DPP4: variants seen among roughly 807,000 people sequenced by gnomAD.
The protein encoded by DPP4 is dipeptidyl peptidase 4.
Under a neutral mutation model 122.4 loss-of-function variants are expected in DPP4, and 93 were observed. That is an observed-to-expected ratio of 0.76 (90% CI 0.64 to 0.90). DPP4 has a LOEUF of 0.90. DPP4 is among the 40% of genes least tolerant of loss of function. DPP4 has a pLI of 0.00. For missense variants in DPP4, 914 were observed against 907.3 expected, an observed-to-expected ratio of 1.01 and a Z score of -0.09; for synonymous variants, 321 against 302.9, an observed-to-expected ratio of 1.06 and a Z score of -0.62.
intron 10 of DPP4, among the ~76,000 whole-genome samples, chr2:162,028,485 T>C (rs1683424537): frequency 6.6e-6 from 1 of 152,210 alleles, no homozygotes; most frequent in Non-Finnish European, 1.5e-5. Context: ...GCATGCTGCT[T>C]TTATTCTGCA....
rs1157621121 is a variant in DPP4 at position 162,017,120 on chromosome 2, C to T, written c.1456G>A (p.Val486Met). The T allele has an allele frequency of 1.1e-5, 18 of 1,611,906 alleles. No individual in the cohort carries two copies. The highest frequency in any genetic ancestry group is 1.1e-4 in the East Asian group (5 of 44,866). The change falls in exon 17 of 26, where the codon GTG (valine) becomes ATG (methionine). Residue 486 changes from valine (V) to methionine (M), a missense_variant. Coordinates refer to ENST00000360534, the MANE Select transcript of DPP4 (RefSeq NM_001935.4). Reference protein sequence around the residue: ...GLPLYTLHSSVNDKGLRVLED... With the variant: ...GLPLYTLHSSMNDKGLRVLED... Reference sequence around the variant, plus strand: ...TATGAGAAAATACCTTTATCATTCACGCTGCTGTGTAGAGTATAGAGGGGC... The same window carrying T: ...TATGAGAAAATACCTTTATCATTCATGCTGCTGTGTAGAGTATAGAGGGGC...
chr2:162,074,014 G>A lies in DPP4; in HGVS notation c.-33C>T, dbSNP rs1202980605. The A allele has an allele frequency of 6.2e-7, 1 of 1,609,312 alleles. No homozygotes were observed. The highest frequency in any genetic ancestry group is 8.5e-7 in the Non-Finnish European group (1 of 1,178,106). ...GTCTCCTCGGAAGTGAGCGTTCAGA[G>A]AAGGAGCGCAGGCAGAAGTCACCGC... On this transcript the variant is annotated 5_prime_UTR_variant, in exon 1 of 26. Coordinates refer to ENST00000360534, the MANE Select transcript of DPP4 (RefSeq NM_001935.4).
At chr2:162,023,673 C>T (rs747270871) in intron 11 of DPP4, among the ~76,000 whole-genome samples, 1 of 152,188 alleles carries the variant, frequency 6.6e-6, no homozygotes, top group Non-Finnish European at 1.5e-5. Flanking sequence ...TTCTTTTGCA[C>T]TCTATTCCCT....
In DPP4 at chr2:162,014,381, C is replaced by T; in HGVS notation, c.1637+15G>A. 1 of 1,596,740 alleles carries T rather than the reference C, an allele frequency of 6.3e-7. No individual in the cohort carries two copies. Among genetic ancestry groups the T allele is most frequent in the South Asian group, 1.1e-5 (1 of 89,424 alleles). Reference sequence around the variant, plus strand: ...CTCAATACTTCTAAATTGCTCCCTTCTCTTGAATACTTACACATCTAATAG... The same window carrying T: ...CTCAATACTTCTAAATTGCTCCCTTTTCTTGAATACTTACACATCTAATAG... On this transcript the variant is annotated intron_variant, in intron 19 of 25. Coordinates refer to ENST00000360534, the MANE Select transcript of DPP4 (RefSeq NM_001935.4).
At chr2:162,033,889 T>TATATATATAC (rs1302435212) in intron 9 of DPP4, among the ~76,000 whole-genome samples, 3 of 142,460 alleles carry the variant, frequency 2.1e-5, no homozygotes, top group African/African-American at 8.1e-5. Context: ...TATATATATA[T>TATATATATAC]ATATACACAC....
At chr2:162,069,052 A>G (rs74867907) in intron 2 of DPP4, among the ~76,000 whole-genome samples, 234 of 152,292 alleles carry the variant, frequency 1.5e-3, no homozygotes, top group African/African-American at 5.3e-3. Flanking sequence ...AAGCCACTCC[A>G]AAATTCCTTA....
At chr2:161,998,220 C>T (rs1252436362) in intron 23 of DPP4, among the ~76,000 whole-genome samples, 1 of 152,142 alleles carries the variant, frequency 6.6e-6, no homozygotes, top group Non-Finnish European at 1.5e-5. Flanking sequence ...ATAAATCTCC[C>T]TAAAAGACAG....
chr2:162,065,729 G>C (rs1237384493), intron 2 of DPP4, among the ~76,000 whole-genome samples: 1 of 152,086 alleles, frequency 6.6e-6, no homozygotes, highest in Non-Finnish European at 1.5e-5. Flanking sequence ...TTTATGCTTG[G>C]TTGTTTATGT....
chr2:162,073,803 C>A (rs1245292477), intron 1 of DPP4, among the ~76,000 whole-genome samples, 173 bp downstream of exon 1: 1 of 152,154 alleles, frequency 6.6e-6, no homozygotes, highest in Non-Finnish European at 1.5e-5. Flanking sequence ...AAGCCAGGGT[C>A]CGAAAGCTAA....
intron 9 of DPP4, among the ~76,000 whole-genome samples, chr2:162,034,715 A>G (rs573344075): frequency 6.6e-6 from 1 of 152,326 alleles, no homozygotes; most frequent in East Asian, 1.9e-4. Context: ...AAAAATTTAC[A>G]TTAGTGCCAA....
chr2:162,019,364 T>A, intron 14 of DPP4, 88 bp from the exon 15 acceptor site: 2 of 939,830 alleles, frequency 2.1e-6, no homozygotes, highest in Non-Finnish European at 3.2e-6. Flanking sequence ...CAAGCCTAAG[T>A]GTGCACGGAG....
At chr2:162,073,942 C>T in intron 1 of DPP4, 34 bp downstream of exon 1, 1 of 1,610,938 alleles carries the variant, frequency 6.2e-7, no homozygotes, top group East Asian at 2.2e-5. Flanking sequence ...GTCCCCACAG[C>T]TCGCCCCGGG....
In DPP4 at chr2:162,005,783, C is replaced by T. The variant is rs1701268514; in HGVS notation, c.2014G>A (p.Gly672Ser). ...AGGTTGTCTTCTGGAGTTGGGAGAC[C>T]CATGTAACGTTCTGTGTACACTGAG... ...YDSVYTERYM[G>S]LPTPEDNLDH... The change falls in exon 23 of 26, where the codon GGT (glycine) becomes AGT (serine). Residue 672 changes from glycine to serine, a missense_variant. Coordinates refer to ENST00000360534, the MANE Select transcript of DPP4 (RefSeq NM_001935.4). 1 of 1,612,368 alleles carries T rather than the reference C, an allele frequency of 6.2e-7. No homozygotes were observed. Among genetic ancestry groups the T allele is most frequent in the African/African-American group, 1.3e-5 (1 of 74,658 alleles).
At chr2:162,019,565 AT>A (rs1429949693) in intron 14 of DPP4, among the ~76,000 whole-genome samples, 1 of 152,078 alleles carries the variant, frequency 6.6e-6, no homozygotes, top group Non-Finnish European at 1.5e-5. Context: ...CAAAAAAAAA[AT>A]AGGACTAGGC....
At chr2:162,071,069 C>G (rs1053320019) in intron 2 of DPP4, among the ~76,000 whole-genome samples, 18 of 152,284 alleles carry the variant, frequency 1.2e-4, no homozygotes, top group Non-Finnish European at 1.6e-4. Flanking sequence ...CTCACTTCCC[C>G]CTCCAGTGTT....
intron 25 of DPP4, among the ~76,000 whole-genome samples, chr2:161,993,847 T>A (rs1188942120): frequency 1.5e-5 from 2 of 133,420 alleles, no homozygotes; most frequent in Non-Finnish European, 3.2e-5. Context: ...ACTAAATGAT[T>A]TTTTTTAAAG....
Position 162,020,306 on chromosome 2 carries a change from T to TG in DPP4, c.1177-11_1177-10insC, listed in dbSNP as rs1248208008. The TG allele has an allele frequency of 3.3e-6, 5 of 1,516,874 alleles. No homozygotes were observed. The highest frequency in any genetic ancestry group is 4.4e-6 in the Non-Finnish European group (5 of 1,145,336). 94.0% of individuals were successfully genotyped at this position (1,516,874 alleles called of 1,614,324 possible). On this transcript the variant is annotated splice_polypyrimidine_tract_variant and intron_variant, in intron 13 of 25. Coordinates refer to ENST00000360534, the MANE Select transcript of DPP4 (RefSeq NM_001935.4). The stretch of plus-strand genomic sequence containing the variant: ...TAATAAATGTGCAGTCCTGATGGTT[T>TG]TTTTTTTTTTTCAAAAAAAAAAAAA...
intron 2 of DPP4, among the ~76,000 whole-genome samples, chr2:162,062,686 A>C (rs758341209): frequency 3.9e-5 from 6 of 152,248 alleles, no homozygotes; most frequent in Non-Finnish European, 8.8e-5. Context: ...CAAGTCAGCA[A>C]TGGCATGTTA....
At position 162,009,513 on chromosome 2, in the gene DPP4, TTGTGTGTGTGTGTGTG is replaced by T. The variant is rs57878632; in HGVS notation, c.1833-234_1833-219del. ...TTACTTTTGTTGGAGTTCATAAAAATTGTGTGTGTGTGTGTGTGTGTGTGTGTGTGTGTGTGTGTAT... is the reference window on the plus strand; with the variant it reads ...TTACTTTTGTTGGAGTTCATAAAAATTGTGTGTGTGTGTGTGTGTGTGTAT... On this transcript the variant is annotated intron_variant, in intron 20 of 25. Coordinates refer to ENST00000360534, the MANE Select transcript of DPP4 (RefSeq NM_001935.4). 6.4e-3 allele frequency among the ~76,000 whole-genome samples: 923 copies of T among 144,376 alleles called. 11 individuals carry two copies. Among genetic ancestry groups the T allele is most frequent in the African/African-American group, 0.022 (872 of 39,466 alleles). The allele number at this position is 144,376 out of a possible 152,430, so 94.7% of individuals were successfully genotyped here.
Sources: allele counts gnomAD v4.1 joint callset (sites outside exome capture counted in the v4.1 genomes callset), GRCh38; gene constraint gnomAD v4.1.1; transcripts MANE v1.5; gene names NCBI Gene and HGNC (gene_info 2026-07-23, HGNC 2026-07-21).